CCBE1: variants seen among roughly 807,000 people sequenced by gnomAD.
CCBE1 encodes the protein collagen and calcium-binding EGF domain-containing protein 1.
A neutral mutation model predicts 50.0 loss-of-function variants in CCBE1; 37 were observed. The observed-to-expected ratio is 0.74, with a 90% confidence interval of 0.57 to 0.97. The LOEUF is 0.97. CCBE1 is among the 50% of genes least tolerant of loss of function. The pLI is 0.00. For missense variants in CCBE1, 538 were observed against 523.8 expected (o/e 1.03, Z -0.26); for synonymous variants, 234 against 203.7 (o/e 1.15, Z -1.27).
intron 2 of CCBE1, among the ~76,000 whole-genome samples, chr18:59,581,728 T>C (rs1395134495): frequency 6.6e-6 from 1 of 152,168 alleles, no homozygotes; most frequent in Non-Finnish European, 1.5e-5. Context: ...CCCTGGGGAA[T>C]TGGAAAGGCT....
chr18:59,579,938 C>T (rs2053057557), intron 2 of CCBE1, among the ~76,000 whole-genome samples: 1 of 152,176 alleles, frequency 6.6e-6, no homozygotes, highest in African/African-American at 2.4e-5. Context: ...ATCTGAAGAA[C>T]AGCATTAAGA....
intron 2 of CCBE1, among the ~76,000 whole-genome samples, chr18:59,583,686 C>CGT (rs1568218510): frequency 2.2e-5 from 2 of 91,532 alleles, no homozygotes; most frequent in Non-Finnish European, 5.0e-5. Flanking sequence ...TGTGTGCGCG[C>CGT]GCGCGCGCGC....
chr18:59,618,859 A>C (rs1568237080), intron 2 of CCBE1, among the ~76,000 whole-genome samples: 1 of 152,054 alleles, frequency 6.6e-6, no homozygotes, highest in Non-Finnish European at 1.5e-5. Flanking sequence ...TAATAACTAT[A>C]ATTATTGGAG....
chr18:59,546,655 C>G (rs182592128), intron 2 of CCBE1, among the ~76,000 whole-genome samples: 2 of 152,286 alleles, frequency 1.3e-5, no homozygotes, highest in East Asian at 3.9e-4. Flanking sequence ...TTTGTAGAAA[C>G]CTGTTATAGT....
At chr18:59,577,876 A>C (rs1192982956) in intron 2 of CCBE1, among the ~76,000 whole-genome samples, 1 of 152,242 alleles carries the variant, frequency 6.6e-6, no homozygotes, top group Admixed American at 6.5e-5. Flanking sequence ...AAATCTAGGC[A>C]ATACCAACCA....
chr18:59,625,442 A>AAT lies in CCBE1; in HGVS notation c.212+71186_212+71187insAT, dbSNP rs1555699745. ...TGAGATTCTGTCTCAAAAAAAAAAA[A>AAT]AAAAAAAAAAAATTGTAGCCATATA... On this transcript the variant is annotated intron_variant, in intron 2 of 10. Transcript: ENST00000439986. Among the ~76,000 whole-genome samples, 130 of 147,424 alleles carry AAT rather than the reference A, an allele frequency of 8.8e-4. 1 individual carries two copies. The highest frequency in any genetic ancestry group is 4.2e-3 in the Admixed American group (62 of 14,822).
chr18:59,536,683 A>G (rs1000867455), intron 2 of CCBE1, among the ~76,000 whole-genome samples: 7 of 152,140 alleles, frequency 4.6e-5, no homozygotes, highest in African/African-American at 1.7e-4. Flanking sequence ...TCTTGACACT[A>G]AGTCAAGAAA....
chr18:59,643,347 T>G (rs997594166), intron 2 of CCBE1, among the ~76,000 whole-genome samples: 3 of 152,246 alleles, frequency 2.0e-5, no homozygotes, highest in African/African-American at 7.2e-5. Context: ...GAAGGCAATT[T>G]AGTGGGACTT....
chr18:59,598,654 G>A (rs1326713788), intron 2 of CCBE1, among the ~76,000 whole-genome samples: 2 of 152,204 alleles, frequency 1.3e-5, no homozygotes, highest in African/African-American at 4.8e-5. Context: ...TGTAGCTGAG[G>A]TAGGTGTGGC....
At chr18:59,611,710 C>A (rs2053570804) in intron 2 of CCBE1, among the ~76,000 whole-genome samples, 2 of 151,960 alleles carry the variant, frequency 1.3e-5, no homozygotes, top group African/African-American at 4.8e-5. Flanking sequence ...TGTGCCACTG[C>A]ACTCCAGCAT....
At chr18:59,535,836 T>C (rs1379073009) in intron 2 of CCBE1, among the ~76,000 whole-genome samples, 2 of 152,160 alleles carry the variant, frequency 1.3e-5, no homozygotes, top group Non-Finnish European at 1.5e-5. Flanking sequence ...TCAGAAATAA[T>C]AAAATCAAGA....
At chr18:59,531,428 TGA>T (rs555003926) in intron 2 of CCBE1, among the ~76,000 whole-genome samples, 77 of 151,964 alleles carry the variant, frequency 5.1e-4, no homozygotes, top group Non-Finnish European at 9.4e-4. Context: ...GAAACAAATG[TGA>T]GAGAGGAGCC....
intron 2 of CCBE1, among the ~76,000 whole-genome samples, chr18:59,601,480 G>A (rs1408631535): frequency 6.6e-6 from 1 of 152,128 alleles, no homozygotes; most frequent in Non-Finnish European, 1.5e-5. Flanking sequence ...ATGATTGTGA[G>A]GCCTCTCCAG....
intron 2 of CCBE1, among the ~76,000 whole-genome samples, chr18:59,677,958 C>T (rs72969820): frequency 0.08 from 12,190 of 152,180 alleles, 644 homozygotes; most frequent in Non-Finnish European, 0.12. Context: ...TATACACAAC[C>T]GGGCTTAGAG....
chr18:59,558,417 G>A (rs1204375174), intron 2 of CCBE1, among the ~76,000 whole-genome samples: 1 of 152,208 alleles, frequency 6.6e-6, no homozygotes, highest in East Asian at 1.9e-4. Flanking sequence ...GTACCATAAG[G>A]TACATGGATG....
intron 2 of CCBE1, among the ~76,000 whole-genome samples, chr18:59,573,045 A>T (rs899010269): frequency 6.6e-6 from 1 of 151,838 alleles, no homozygotes; most frequent in African/African-American, 2.4e-5. Flanking sequence ...GCACTTTGGG[A>T]TATCAAGGAG....
intron 2 of CCBE1, among the ~76,000 whole-genome samples, chr18:59,650,012 G>A (rs1237116701): frequency 6.6e-6 from 1 of 151,968 alleles, no homozygotes; most frequent in African/African-American, 2.4e-5. Context: ...GGGGGTGGGG[G>A]AGCACAGGTG....
intron 2 of CCBE1, among the ~76,000 whole-genome samples, chr18:59,532,757 C>G (rs948150083): frequency 6.6e-5 from 10 of 152,174 alleles, no homozygotes; most frequent in African/African-American, 2.4e-4. Flanking sequence ...TTCTTTCTAC[C>G]ACGTGAAGTC....
intron 2 of CCBE1, among the ~76,000 whole-genome samples, chr18:59,541,968 G>A (rs993889372): frequency 2.0e-5 from 3 of 152,134 alleles, no homozygotes; most frequent in African/African-American, 7.2e-5. Context: ...CTTGAGCCCA[G>A]GAGTTCAAGA....
Sources: gnomAD v4.1 joint callset for allele counts (sites outside exome capture counted in the v4.1 genomes callset) on GRCh38, gnomAD v4.1.1 for gene constraint, MANE v1.5 for transcripts, NCBI Gene and HGNC (gene_info 2026-07-23, HGNC 2026-07-21) for gene names.